The following AHDC1 variants were observed in gnomAD, a reference collection of about 807,000 sequenced individuals.
AHDC1 encodes transcription factor Gibbin.
Under a neutral mutation model 87.9 loss-of-function variants are expected in AHDC1, and 7 were observed. That is an observed-to-expected ratio of 0.08 (90% CI 0.05 to 0.15). The LOEUF (loss-of-function observed/expected upper bound fraction) is 0.15, where lower values mean the gene tolerates loss of function less well. AHDC1 is among the 10% of genes least tolerant of loss of function. The pLI, the probability that AHDC1 is intolerant of heterozygous loss-of-function variation, is 1.00. For synonymous variants in AHDC1, 1,051 were observed against 1,006.8 expected, an observed-to-expected ratio of 1.04 and a Z score of -0.83; for missense variants, 1,841 against 2,253.2, an observed-to-expected ratio of 0.82 and a Z score of 3.70.
rs768575414 is a variant in AHDC1, at chr1:27,551,847, C to T, written c.269G>A (p.Arg90His). The change falls in exon 8 of 9, where the codon CGT becomes CAT. Residue 90 changes from arginine (R) to histidine (H), a missense_variant. Physicochemically the swap from Arg to His is conservative, Grantham distance 29. Coordinates refer to ENST00000673934, the MANE Select transcript of AHDC1 (RefSeq NM_001371928.1). ...GGGGCAGCGGGCCTGTGAGACAGGA[C>T]GGGCTGCCCGTGGGGGCAGCGGGTC... The part of the protein sequence containing the change: ...GDDPLPPRAA[R>H]PVSQARCPTP... The T allele has an allele frequency of 2.2e-5, 36 of 1,610,198 alleles. No homozygotes were observed. Among genetic ancestry groups the T allele is most frequent in the East Asian group, 4.5e-5 (2 of 44,844 alleles).
At chr1:27,597,646 C>T (rs770236151) in intron 3 of AHDC1, among the ~76,000 whole-genome samples, 2 of 151,822 alleles carry the variant, frequency 1.3e-5, no homozygotes, top group African/African-American at 2.4e-5. Context: ...GAAACTGAGC[C>T]GGGGGTGGAA....
rs1382713500 is a variant in AHDC1 at position 27,534,363 on chromosome 1, A to G, written c.*597T>C. The G allele has an allele frequency of 2.0e-5, 3 of 151,002 alleles. No homozygotes were observed. The highest frequency in any genetic ancestry group is 7.3e-5 in the African/African-American group (3 of 41,096). 9.4% of individuals were successfully genotyped at this position (151,002 alleles called of 1,614,324 possible). ...CAGAAAACAACAACAACAACAACAG[A>G]AGAGAAAACCCAAAAGAGTGAAAAA... On this transcript the variant is annotated 3_prime_UTR_variant, in exon 9 of 9. Transcript: ENST00000673934.
In AHDC1 at chr1:27,549,479, C is replaced by G; in HGVS notation, c.2637G>C (p.Leu879=). 6.2e-7 allele frequency: 1 copy of G among 1,613,130 alleles called. No homozygotes were observed. The highest frequency in any genetic ancestry group is 8.5e-7 in the Non-Finnish European group (1 of 1,179,880). ...AGGTGGCCAGGCCCCGCTGGGCAGG[C>G]AGGGCACTGGTGGGTGGCCCTGCAT... The part of the protein sequence containing the change: ...GTYAGPPTSA[L]PAQRGLATFP... The change falls in exon 8 of 9, where the codon CTG becomes CTC. Residue 879 remains leucine, a synonymous_variant. Coordinates refer to ENST00000673934, the MANE Select transcript of AHDC1 (RefSeq NM_001371928.1).
At chr1:27,566,680 T>TGGA (rs541686229) in intron 3 of AHDC1, among the ~76,000 whole-genome samples, 30 of 27,408 alleles carry the variant, frequency 1.1e-3, no homozygotes, top group East Asian at 0.01. Context: ...GGGAGGGGGG[T>TGGA]GGAGGAGGAG....
chr1:27,566,566 C>T (rs987564415), intron 3 of AHDC1, among the ~76,000 whole-genome samples: 1 of 149,020 alleles, frequency 6.7e-6, no homozygotes, highest in Non-Finnish European at 1.5e-5. Flanking sequence ...CAGAGCCCCA[C>T]AGCGACAGTC....
At chr1:27,597,369 G>A (rs538747533) in intron 3 of AHDC1, among the ~76,000 whole-genome samples, 2 of 148,602 alleles carry the variant, frequency 1.3e-5, no homozygotes, top group African/African-American at 4.8e-5. Context: ...GTGTGAGAGT[G>A]TGTGTGTGAG....
At chr1:27,543,814 G>A (rs550218193) in intron 8 of AHDC1, among the ~76,000 whole-genome samples, 3 of 152,078 alleles carry the variant, frequency 2.0e-5, no homozygotes, top group Non-Finnish European at 2.9e-5. Flanking sequence ...GCACAGTGGT[G>A]CGCCCCTGTA....
Position 27,595,041 on chromosome 1 carries a change from G to A in AHDC1, c.-629+8356C>T, listed in dbSNP as rs978242081. 2.6e-5 allele frequency among the ~76,000 whole-genome samples: 4 copies of A among 152,054 alleles called. No homozygotes were observed. Among genetic ancestry groups the A allele is most frequent in the African/African-American group, 7.3e-5 (3 of 41,358 alleles). The stretch of plus-strand genomic sequence containing the variant: ...TAGGACTGCCTGTCGAGGAGGTGCC[G>A]GGATCCAGGAGGCAGTGTGCACAAG... On this transcript the variant is annotated intron_variant, in intron 3 of 8. Coordinates refer to ENST00000673934, the MANE Select transcript of AHDC1 (RefSeq NM_001371928.1). This position sits in a 1 kb window ranked among gnomAD's most constrained non-coding sequence, Gnocchi z 4.0.
At position 27,548,169 on chromosome 1, in the gene AHDC1, T is replaced by G. The variant is rs896696188; in HGVS notation, c.3947A>C (p.Tyr1316Ser). The G allele has an allele frequency of 6.2e-7, 1 of 1,613,762 alleles. No individual in the cohort carries two copies. Among genetic ancestry groups the G allele is most frequent in the Non-Finnish European group, 8.5e-7 (1 of 1,180,020 alleles). The stretch of plus-strand genomic sequence containing the variant: ...TGACATGCTGCTGTCCCCGCTATAG[T>G]AGTCCAGGCCGAGGTCAGGACTGTC... ...FQDSPDLGLD[Y>S]YSGDSSMSPL... The change falls in exon 8 of 9, where the codon TAC becomes TCC. Residue 1316 changes from tyrosine to serine, a missense_variant. By Grantham distance (144) the Tyr-to-Ser change is moderately radical. Around this residue, in one of 13 missense-constraint regions of AHDC1, gnomAD observed 505 missense variants for 626.2 expected, o/e 0.81. Transcript: ENST00000673934.
chr1:27,585,589 T>C (rs1314529667), intron 3 of AHDC1, among the ~76,000 whole-genome samples: 7 of 152,192 alleles, frequency 4.6e-5, no homozygotes, highest in Non-Finnish European at 2.9e-5. Context: ...ACAAAGCCCC[T>C]GTTCCAAACA....
intron 3 of AHDC1, among the ~76,000 whole-genome samples, chr1:27,580,547 A>C (rs964285448): frequency 1.3e-5 from 2 of 152,200 alleles, no homozygotes; most frequent in African/African-American, 4.8e-5. Context: ...TTTGTGGTTA[A>C]GATCTCAGGG....
rs557551010 is a variant in AHDC1 at position 27,596,256 on chromosome 1, G to A, written c.-629+7141C>T. On this transcript the variant is annotated intron_variant, in intron 3 of 8. Transcript: ENST00000673934. ...GCAGAGCTGCCTCCTCGCTCCCTGG[G>A]GGGCAGCAGCGGATCCAAGCCCACC... 2.6e-5 allele frequency among the ~76,000 whole-genome samples: 4 copies of A among 152,152 alleles called. No homozygotes were observed. The South Asian group carries it at 8.3e-4, about 32-fold the overall frequency.
At position 27,558,696 on chromosome 1, in the gene AHDC1, A is replaced by G. The variant is rs1402440377; in HGVS notation, c.-451+10T>C. On this transcript the variant is annotated intron_variant, in intron 4 of 8. Coordinates refer to ENST00000673934, the MANE Select transcript of AHDC1 (RefSeq NM_001371928.1). This position sits in a 1 kb window ranked among gnomAD's most constrained non-coding sequence, Gnocchi z 5.6. ...CCAGGCCCAAGCCTGACTTCCCTGC[A>G]CACTGTTACCTGAGCAGGCTGCGAA... 2.5e-6 allele frequency: 1 copy of G among 398,468 alleles called. No homozygotes were observed. The highest frequency in any genetic ancestry group is 4.4e-6 in the Non-Finnish European group (1 of 226,056). 24.7% of individuals were successfully genotyped at this position (398,468 alleles called of 1,614,324 possible). A position where few individuals can be genotyped will look rare whatever the true frequency, so the allele number is the denominator to read the frequency against.
Position 27,562,006 on chromosome 1 carries a change from G to C in AHDC1, c.-628-3123C>G, listed in dbSNP as rs190433511. 7.9e-4 allele frequency among the ~76,000 whole-genome samples: 120 copies of C among 152,202 alleles called. No homozygotes were observed. The highest frequency in any genetic ancestry group is 2.1e-3 in the Admixed American group (32 of 15,300). ...AGGACCAAGGAAGAGCCCCAGAGGG[G>C]AGAGAGGCACGGGGGAAGCGAGCCA... is the stretch of plus-strand genomic sequence containing the variant. On this transcript the variant is annotated intron_variant, in intron 3 of 8. Transcript: ENST00000673934. This position sits in a 1 kb window ranked among gnomAD's most constrained non-coding sequence, Gnocchi z 4.4.
rs1020349357 is a variant in AHDC1, at chr1:27,558,787, C to A, written c.-532G>T. 7 of 398,538 alleles carry A rather than the reference C, an allele frequency of 1.8e-5. No homozygotes were observed. Among genetic ancestry groups the A allele is most frequent in the Non-Finnish European group, 3.1e-5 (7 of 226,110 alleles). 24.7% of individuals were successfully genotyped at this position (398,538 alleles called of 1,614,324 possible). On this transcript the variant is annotated 5_prime_UTR_variant, in exon 4 of 9. Coordinates refer to ENST00000673934, the MANE Select transcript of AHDC1 (RefSeq NM_001371928.1). The surrounding 1 kb of genome is among the most constrained non-coding windows in gnomAD (Gnocchi z 5.6). ...ATCTCCAGGGTGGTCTCTGCAACGGCCTGAGCGTCGCCCCGCACTCGGGGC... is the reference window on the plus strand; with the variant it reads ...ATCTCCAGGGTGGTCTCTGCAACGGACTGAGCGTCGCCCCGCACTCGGGGC...
At chr1:27,554,108 G>A (rs900406838) in intron 5 of AHDC1, among the ~76,000 whole-genome samples, 1 of 152,110 alleles carries the variant, frequency 6.6e-6, no homozygotes, top group Admixed American at 6.5e-5. Flanking sequence ...ATGAATGAAC[G>A]CACACAAATG....
chr1:27,587,798 T>C (rs1267330727), intron 3 of AHDC1, among the ~76,000 whole-genome samples: 1 of 152,296 alleles, frequency 6.6e-6, no homozygotes, highest in Non-Finnish European at 1.5e-5. Flanking sequence ...ACACCTGTAC[T>C]ACCCCATCCT....
chr1:27,601,726 G>A (rs2089533009), intron 3 of AHDC1, among the ~76,000 whole-genome samples: 1 of 152,164 alleles, frequency 6.6e-6, no homozygotes, highest in South Asian at 2.1e-4. Flanking sequence ...ACCCCAGGTT[G>A]GGGGACAGAC....
In AHDC1 at chr1:27,551,718, C is replaced by T. The variant is rs1312950480; in HGVS notation, c.398G>A (p.Arg133His). The change falls in exon 8 of 9, where the codon CGC (arginine) becomes CAC (histidine). Residue 133 changes from arginine to histidine, a missense_variant. By Grantham distance (29) the Arg-to-His change is conservative. Coordinates refer to ENST00000673934, the MANE Select transcript of AHDC1 (RefSeq NM_001371928.1). ...ACTGTGCTGCAGGTCCTGGGAGAGGCGTGTCAGGTCCTTCATGATGTCAAT... is the reference window on the plus strand; with the variant it reads ...ACTGTGCTGCAGGTCCTGGGAGAGGTGTGTCAGGTCCTTCATGATGTCAAT... ...QLIDIMKDLTRLSQDLQHSGV... is the reference protein window; with the variant it reads ...QLIDIMKDLTHLSQDLQHSGV... 1.2e-6 allele frequency: 2 copies of T among 1,613,694 alleles called. No individual in the cohort carries two copies. Among genetic ancestry groups the T allele is most frequent in the Non-Finnish European group, 1.7e-6 (2 of 1,179,946 alleles).
Sources: gnomAD v4.1 joint callset for allele counts (sites outside exome capture counted in the v4.1 genomes callset) on GRCh38, gnomAD v4.1.1 for gene constraint, gnomAD v4.1.1 regional missense constraint, Gnocchi (gnomAD v3.1) non-coding constraint, MANE v1.5 for transcripts, NCBI Gene and HGNC (gene_info 2026-07-23, HGNC 2026-07-21) for gene names.